The following GSN variants were observed in gnomAD, a reference collection of about 807,000 sequenced individuals.
GSN encodes the protein gelsolin.
In GSN, 56 loss-of-function variants were observed where a neutral mutation model predicts 85.7. That is an observed-to-expected ratio of 0.65 (90% CI 0.53 to 0.82). GSN has a LOEUF of 0.82. Ranked by LOEUF, GSN falls within the 40% of genes least tolerant of loss-of-function variation. The pLI, the probability that GSN is intolerant of heterozygous loss-of-function variation, is 0.00. For missense variants in GSN, 857 were observed against 979.8 expected (o/e 0.87, Z 1.67); for synonymous variants, 373 against 399.1 (o/e 0.93, Z 0.78).
In GSN at chr9:121,301,951, G is replaced by A. The variant is rs775226111; in HGVS notation, c.-9-12G>A. 1.4e-5 allele frequency: 23 copies of A among 1,613,982 alleles called. No homozygotes were observed. The highest frequency in any genetic ancestry group is 1.9e-5 in the Non-Finnish European group (22 of 1,180,000). On this transcript the variant is annotated splice_polypyrimidine_tract_variant and intron_variant, in intron 2 of 17. Coordinates refer to ENST00000432226, the MANE Select transcript of GSN (RefSeq NM_198252.3). ...CCCTGCCCCGCTTAGGCTCTGCCCTGTCTCATCCCAGCCCAACAGCATGGT... is the reference window on the plus strand; with the variant it reads ...CCCTGCCCCGCTTAGGCTCTGCCCTATCTCATCCCAGCCCAACAGCATGGT...
At chr9:121,312,203 G>A (rs1589063260) in intron 5 of GSN, 136 bp from the exon 6 acceptor site, 1 of 863,178 alleles carries the variant, frequency 1.2e-6, no homozygotes, top group Non-Finnish European at 2.0e-6. Flanking sequence ...CACGTGTGCA[G>A]ACTGTGCCAG....
chr9:121,280,463 C>G (rs1475624640), intron 1 of GSN: 1 of 152,188 alleles, frequency 6.6e-6, no homozygotes, highest in Non-Finnish European at 1.5e-5. Context: ...AGTCCTATCA[C>G]CAGACACTGA....
intron 6 of GSN, among the ~76,000 whole-genome samples, chr9:121,258,467 A>G (rs1346043135): frequency 1.3e-5 from 2 of 150,296 alleles, no homozygotes; most frequent in African/African-American, 4.9e-5. Flanking sequence ...CTTATCAGAA[A>G]AAAAAAAAAA....
chr9:121,223,332 C>A (rs1588426067), intron 4 of GSN, among the ~76,000 whole-genome samples: 1 of 147,162 alleles, frequency 6.8e-6, no homozygotes, highest in East Asian at 1.9e-4. Context: ...CTGCCCTGCT[C>A]ATGTCTGACT....
chr9:121,305,752 G>C (rs1258310456), intron 4 of GSN, among the ~76,000 whole-genome samples: 1 of 152,226 alleles, frequency 6.6e-6, no homozygotes, highest in Non-Finnish European at 1.5e-5. Context: ...CTGGCTCCTG[G>C]TGTGAATGGG....
chr9:121,286,789 G>T lies in GSN; in HGVS notation c.-10+5227G>T, dbSNP rs140133954. ...AGGTATTTTTTAAAGGTGTGTAGAA[G>T]TGAGAGTCAGACTTCGGACTTCAGA... On this transcript the variant is annotated intron_variant, in intron 2 of 17. Transcript: ENST00000432226. The T allele has an allele frequency of 2.9e-4, 441 of 1,522,456 alleles. No individual in the cohort carries two copies. In the African/African-American group the frequency reaches 5.6e-3, roughly 19 times the overall value. 94.3% of individuals were successfully genotyped at this position (1,522,456 alleles called of 1,614,324 possible).
intron 5 of GSN, among the ~76,000 whole-genome samples, chr9:121,237,399 A>G (rs2054516804): frequency 6.6e-6 from 1 of 152,146 alleles, no homozygotes. Context: ...CTGTCTCTAC[A>G]AAAAGAATTA....
chr9:121,260,232 G>C (rs1218463510), intron 6 of GSN, among the ~76,000 whole-genome samples: 1 of 152,198 alleles, frequency 6.6e-6, no homozygotes, highest in Non-Finnish European at 1.5e-5. Context: ...TGCTTGGTGT[G>C]GCAGGATGAA....
At chr9:121,283,731 T>C (rs2057714777) in intron 2 of GSN, 1 of 167,048 alleles carries the variant, frequency 6.0e-6, no homozygotes, top group Admixed American at 6.5e-5. Flanking sequence ...TTGAGAGATA[T>C]TTAGGCTCTG....
At chr9:121,331,362 C>T (rs2063867976) in intron 16 of GSN, 26 bp from the exon 17 acceptor site, 1 of 1,524,106 alleles carries the variant, frequency 6.6e-7, no homozygotes, top group Non-Finnish European at 9.1e-7. Context: ...TCCTCATGTA[C>T]CTTTCCTGTT....
intron 2 of GSN, among the ~76,000 whole-genome samples, chr9:121,301,550 C>T (rs147041078): frequency 0.015 from 2,290 of 149,236 alleles, 61 homozygotes; most frequent in African/African-American, 0.053. Context: ...CGCTTGAACC[C>T]AGGAGGCAGA....
chr9:121,256,018 G>GAGAT (rs1265512836), intron 6 of GSN, among the ~76,000 whole-genome samples: 5 of 152,254 alleles, frequency 3.3e-5, no homozygotes, highest in Non-Finnish European at 5.9e-5. Context: ...AGAGGACTTA[G>GAGAT]AGATACCTAT....
intron 4 of GSN, among the ~76,000 whole-genome samples, chr9:121,212,751 C>A (rs2053990536): frequency 6.6e-6 from 1 of 151,240 alleles, no homozygotes; most frequent in Non-Finnish European, 1.5e-5. Context: ...TCAAGCAATT[C>A]TCCTGCCTCA....
upstream of GSN, chr9:121,203,469 A>G (rs528422409): frequency 3.3e-5 from 5 of 152,410 alleles, no homozygotes; most frequent in East Asian, 9.6e-4. Flanking sequence ...GTTGGCCCCT[A>G]AAAGTATTGG....
chr9:121,221,184 T>C (rs971982396), intron 4 of GSN, among the ~76,000 whole-genome samples: 21 of 152,356 alleles, frequency 1.4e-4, no homozygotes, highest in African/African-American at 3.8e-4. Flanking sequence ...AACCTTTCCA[T>C]GATGCCACTT....
chr9:121,275,314 A>G (rs1357021096), intron 1 of GSN, among the ~76,000 whole-genome samples: 1 of 152,202 alleles, frequency 6.6e-6, no homozygotes, highest in Non-Finnish European at 1.5e-5. Flanking sequence ...TTTCTCAGCT[A>G]TACAGTTAGG....
intron 4 of GSN, among the ~76,000 whole-genome samples, chr9:121,227,963 C>A (rs1211307066): frequency 6.6e-6 from 1 of 151,990 alleles, no homozygotes; most frequent in African/African-American, 2.4e-5. Context: ...TCTGGGGTGA[C>A]CTGGTCCATA....
chr9:121,262,577 C>T (rs2055110280), intron 6 of GSN, among the ~76,000 whole-genome samples: 1 of 152,166 alleles, frequency 6.6e-6, no homozygotes, highest in Non-Finnish European at 1.5e-5. Flanking sequence ...AAAATCTAAC[C>T]TGGGAGGCTG....
chr9:121,233,079 A>G (rs2054425120), intron 5 of GSN, among the ~76,000 whole-genome samples: 1 of 152,228 alleles, frequency 6.6e-6, no homozygotes, highest in Non-Finnish European at 1.5e-5. Flanking sequence ...AATATGTGGT[A>G]GAAGTGATGC....
Sources: gnomAD v4.1 joint callset for allele counts (sites outside exome capture counted in the v4.1 genomes callset) on GRCh38, gnomAD v4.1.1 for gene constraint, MANE v1.5 for transcripts, NCBI Gene and HGNC (gene_info 2026-07-23, HGNC 2026-07-21) for gene names.